Variants in INTS7 observed in about 807,000 individuals in gnomAD.
The protein encoded by INTS7 is integrator complex subunit 7.
In INTS7, 46 loss-of-function variants were observed where a neutral mutation model predicts 109.2. The ratio of observed to expected loss-of-function variants is 0.42; its 90% confidence interval spans 0.33 to 0.54. The LOEUF (loss-of-function observed/expected upper bound fraction) is 0.54. INTS7 is among the 20% of genes least tolerant of loss of function. The pLI, the probability that INTS7 is intolerant of heterozygous loss-of-function variation, is 0.07. For synonymous variants in INTS7, 412 were observed against 402.9 expected (o/e 1.02, Z -0.27); for missense variants, 929 against 1,132.4 (o/e 0.82, Z 2.58).
At chr1:212,011,604 C>T (rs560249427) in intron 4 of INTS7, 183 bp from the exon 5 acceptor site, 28 of 581,046 alleles carry the variant, frequency 4.8e-5, no homozygotes, top group African/African-American at 3.6e-4. Context: ...ACAAAAACTC[C>T]AGCACCAAAT....
chr1:212,012,449 G>C (rs967381205), intron 4 of INTS7, among the ~76,000 whole-genome samples: 7 of 152,058 alleles, frequency 4.6e-5, no homozygotes, highest in Admixed American at 4.6e-4. Context: ...TATGAACACT[G>C]ATATCAAAAA....
chr1:211,982,876 G>A (rs1196023397), intron 8 of INTS7, 66 bp from the exon 9 acceptor site: 2 of 1,290,450 alleles, frequency 1.5e-6, no homozygotes, highest in African/African-American at 1.5e-5. Context: ...TCAGCTCATA[G>A]GTTCAATTTT....
intron 16 of INTS7, among the ~76,000 whole-genome samples, chr1:211,953,639 G>A (rs2102390396): frequency 6.7e-6 from 1 of 148,856 alleles, no homozygotes; most frequent in Admixed American, 6.8e-5. Flanking sequence ...CTATGAGTGA[G>A]AACATGCGGT....
At chr1:212,003,214 AACAT>A (rs1665754209) in intron 7 of INTS7, among the ~76,000 whole-genome samples, 1 of 152,060 alleles carries the variant, frequency 6.6e-6, no homozygotes, top group Non-Finnish European at 1.5e-5. Flanking sequence ...CAAGAAATCA[AACAT>A]AGTCTAGACA....
At chr1:211,992,116 C>T (rs761018625) in intron 7 of INTS7, among the ~76,000 whole-genome samples, 1 of 151,992 alleles carries the variant, frequency 6.6e-6, no homozygotes, top group Non-Finnish European at 1.5e-5. Context: ...AGGCCATTTC[C>T]GTTGTTCACT....
intron 1 of INTS7, among the ~76,000 whole-genome samples, chr1:212,029,705 A>G (rs1439823820): frequency 6.6e-6 from 1 of 152,240 alleles, no homozygotes; most frequent in Admixed American, 6.5e-5. Context: ...AACAAACACA[A>G]TTTAGGACAA....
intron 10 of INTS7, among the ~76,000 whole-genome samples, chr1:211,979,876 T>A (rs926113224): frequency 3.9e-5 from 6 of 152,232 alleles, no homozygotes; most frequent in African/African-American, 1.4e-4. Context: ...CACTCCCGAC[T>A]CTGACCTCTC....
At chr1:212,015,060 G>A (rs1275229482) in intron 4 of INTS7, among the ~76,000 whole-genome samples, 4 of 150,816 alleles carry the variant, frequency 2.7e-5, no homozygotes, top group African/African-American at 4.9e-5. Flanking sequence ...GAGCGCCTCC[G>A]CCCGGCAGCC....
chr1:211,976,339 C>A (rs548882055), intron 12 of INTS7, among the ~76,000 whole-genome samples: 70 of 152,278 alleles, frequency 4.6e-4, no homozygotes, highest in African/African-American at 1.6e-3. Context: ...GTGGCACTAA[C>A]AACCTACAGC....
At position 211,978,314 on chromosome 1, in the gene INTS7, C is replaced by A; in HGVS notation, c.1428G>T (p.Lys476Asn). The A allele has an allele frequency of 6.2e-7, 1 of 1,614,224 alleles. No individual in the cohort carries two copies. Among genetic ancestry groups the A allele is most frequent in the Non-Finnish European group, 8.5e-7 (1 of 1,180,036 alleles). Reference sequence around the variant, plus strand: ...TGTCTGTGGCTGATCGTCCAATCACCTTGTACAGCTCCATGAGGTCACCAA... The same window carrying A: ...TGTCTGTGGCTGATCGTCCAATCACATTGTACAGCTCCATGAGGTCACCAA... The part of the protein sequence containing the change: ...GMLGDLMELY[K>N]VIGRSATDKQ... The change falls in exon 11 of 20, where the codon AAG becomes AAT. Residue 476 changes from lysine to asparagine, a missense_variant. This residue lies in a region of INTS7 where 787 missense variants were observed against 901.1 expected (regional missense o/e 0.87). Coordinates refer to ENST00000366994, the MANE Select transcript of INTS7 (RefSeq NM_015434.4).
chr1:211,977,934 A>G (rs2102422624), intron 11 of INTS7, among the ~76,000 whole-genome samples: 1 of 152,336 alleles, frequency 6.6e-6, no homozygotes, highest in Non-Finnish European at 1.5e-5. Flanking sequence ...ACTCTGTATA[A>G]GAAAGATAAA....
chr1:212,013,907 C>T (rs1042557165), intron 4 of INTS7, among the ~76,000 whole-genome samples: 3 of 152,124 alleles, frequency 2.0e-5, no homozygotes, highest in African/African-American at 4.8e-5. Context: ...AATTTCCTAA[C>T]AATGCATTTC....
intron 16 of INTS7, among the ~76,000 whole-genome samples, chr1:211,953,527 T>A (rs1055339011): frequency 1.4e-5 from 2 of 146,074 alleles, no homozygotes; most frequent in Admixed American, 1.4e-4. Flanking sequence ...ATTAGGTATA[T>A]CTCCTAATGC....
chr1:212,009,642 C>G (rs1445987670), intron 5 of INTS7, among the ~76,000 whole-genome samples: 4 of 152,180 alleles, frequency 2.6e-5, no homozygotes, highest in Non-Finnish European at 4.4e-5. Flanking sequence ...ACTACATTAT[C>G]CCCTATAGTA....
intron 9 of INTS7, 63 bp from the exon 10 acceptor site, chr1:211,981,253 T>A: frequency 1.1e-6 from 1 of 951,156 alleles, no homozygotes; most frequent in Non-Finnish European, 1.7e-6. Context: ...CACACACATA[T>A]ACATGCATAC....
chr1:211,985,921 A>C (rs1310442930), intron 8 of INTS7, among the ~76,000 whole-genome samples: 3 of 152,230 alleles, frequency 2.0e-5, no homozygotes, highest in African/African-American at 7.2e-5. Flanking sequence ...TTTATGCAGA[A>C]AAAGAATACA....
intron 7 of INTS7, among the ~76,000 whole-genome samples, chr1:211,992,528 T>A (rs983383288): frequency 6.6e-6 from 1 of 152,020 alleles, no homozygotes; most frequent in Admixed American, 6.6e-5. Context: ...AAAAATTTTT[T>A]AAAAATTATC....
chr1:211,974,528 T>C (rs887525556), intron 13 of INTS7, among the ~76,000 whole-genome samples: 1 of 151,882 alleles, frequency 6.6e-6, no homozygotes, highest in Non-Finnish European at 1.5e-5. Flanking sequence ...ATGTTTAACG[T>C]TGATTATATA....
chr1:212,026,630 A>T (rs1404972574), intron 1 of INTS7, among the ~76,000 whole-genome samples: 1 of 152,220 alleles, frequency 6.6e-6, no homozygotes, highest in African/African-American at 2.4e-5. Flanking sequence ...CAGGGCAGAG[A>T]AGGGGAAAGA....
Sources: gnomAD v4.1 joint callset for allele counts (sites outside exome capture counted in the v4.1 genomes callset) on GRCh38, gnomAD v4.1.1 for gene constraint, gnomAD v4.1.1 regional missense constraint, MANE v1.5 for transcripts, NCBI Gene and HGNC (gene_info 2026-07-23, HGNC 2026-07-21) for gene names.